Variants in MGLL observed in about 807,000 individuals in gnomAD.
MGLL encodes monoglyceride lipase, also known as lysophospholipase homolog.
In MGLL, 7 loss-of-function variants were observed where a neutral mutation model predicts 29.1. The ratio of observed to expected loss-of-function variants is 0.24; its 90% CI spans 0.14 to 0.45. The LOEUF (loss-of-function observed/expected upper bound fraction) is 0.45, where lower values mean the gene tolerates loss of function less well. Ranked by LOEUF, MGLL falls within the 20% of genes least tolerant of loss-of-function variation. MGLL has a pLI of 0.99. For missense variants in MGLL, 356 were observed against 413.6 expected, an observed-to-expected ratio of 0.86 and a Z score of 1.21; for synonymous variants, 148 against 168.3, an observed-to-expected ratio of 0.88 and a Z score of 0.93.
intron 2 of MGLL, among the ~76,000 whole-genome samples, chr3:127,817,304 G>A (rs1387725800): frequency 2.6e-5 from 4 of 152,258 alleles, no homozygotes; most frequent in Admixed American, 6.5e-5. Flanking sequence ...CCAGTCGTGT[G>A]TCTTGGGACA....
Position 127,774,231 on chromosome 3 carries a change from T to C in MGLL, c.262+7558A>G, listed in dbSNP as rs2076995704. ...TGCCCCCGGGCCTTTGCACTGACTG[T>C]TCCCAGCTCTAGACTCCCTCTGCCA... On this transcript the variant is annotated intron_variant, in intron 3 of 7. Transcript: ENST00000265052. Among the ~76,000 whole-genome samples, 3 of 152,350 alleles carry C rather than the reference T, an allele frequency of 2.0e-5. No individual in the cohort carries two copies. In the South Asian group the frequency reaches 6.2e-4, roughly 32 times the overall value.
chr3:127,736,399 A>T, intron 3 of MGLL: 4 of 952,790 alleles, frequency 4.2e-6, no homozygotes, highest in Non-Finnish European at 5.0e-6. Context: ...AGCGAAAAAG[A>T]GTAATGAGTC....
intron 3 of MGLL, among the ~76,000 whole-genome samples, chr3:127,729,163 G>A (rs2076100513): frequency 6.6e-6 from 1 of 152,042 alleles, no homozygotes; most frequent in Non-Finnish European, 1.5e-5. Flanking sequence ...GAATAGTCAA[G>A]TTATCAATCT....
intron 3 of MGLL, among the ~76,000 whole-genome samples, chr3:127,733,475 T>C (rs2076187161): frequency 6.6e-6 from 1 of 152,152 alleles, no homozygotes; most frequent in Admixed American, 6.5e-5. Flanking sequence ...AGGAACCCTC[T>C]CTTGGGGTCT....
intron 7 of MGLL, among the ~76,000 whole-genome samples, chr3:127,694,618 G>C (rs557380689): frequency 6.6e-6 from 1 of 152,276 alleles, no homozygotes; most frequent in South Asian, 2.1e-4. Flanking sequence ...CACTGGTGCA[G>C]AGGGAGGCTT....
At chr3:127,722,644 C>G in intron 3 of MGLL, 78 bp from the exon 4 acceptor site, 2 of 1,586,540 alleles carry the variant, frequency 1.3e-6, no homozygotes, top group Admixed American at 1.7e-5. Flanking sequence ...CTCCTCACTG[C>G]AATCGCTCTC....
At chr3:127,701,526 C>A (rs976239343) in intron 6 of MGLL, among the ~76,000 whole-genome samples, 1 of 152,206 alleles carries the variant, frequency 6.6e-6, no homozygotes, top group South Asian at 2.1e-4. Flanking sequence ...CCCATGGGGG[C>A]TGCAGGGCAA....
At chr3:127,714,409 C>T (rs1413156318) in intron 5 of MGLL, among the ~76,000 whole-genome samples, 4 of 152,220 alleles carry the variant, frequency 2.6e-5, no homozygotes, top group Non-Finnish European at 4.4e-5. Context: ...CAGCCACCCT[C>T]GCTCCCCTAA....
At chr3:127,750,056 C>T (rs1435460836) in intron 3 of MGLL, among the ~76,000 whole-genome samples, 1 of 151,966 alleles carries the variant, frequency 6.6e-6, no homozygotes, top group East Asian at 1.9e-4. Flanking sequence ...TGACTTTTAC[C>T]CCGAGGGAGG....
chr3:127,801,174 C>T (rs897069444), intron 2 of MGLL, among the ~76,000 whole-genome samples: 2 of 151,262 alleles, frequency 1.3e-5, no homozygotes, highest in Non-Finnish European at 2.9e-5. Flanking sequence ...TGATGGCAAG[C>T]GCCTGTAATC....
chr3:127,730,641 C>T (rs1318472225), intron 3 of MGLL, among the ~76,000 whole-genome samples: 1 of 152,160 alleles, frequency 6.6e-6, no homozygotes, highest in Non-Finnish European at 1.5e-5. Flanking sequence ...ACTGCAAGTT[C>T]AAAGGCAACA....
intron 2 of MGLL, among the ~76,000 whole-genome samples, chr3:127,786,477 AGGGAGAAGGCAATGACTGT>A (rs1236734093): frequency 6.6e-6 from 1 of 152,230 alleles, no homozygotes; most frequent in African/African-American, 2.4e-5. Flanking sequence ...CCAGTCGTTC[AGGGAGAAGGCAATGACTGT>A]GGGAGGGGCG....
At chr3:127,758,429 A>T (rs1416883110) in intron 3 of MGLL, among the ~76,000 whole-genome samples, 2 of 152,240 alleles carry the variant, frequency 1.3e-5, no homozygotes, top group Non-Finnish European at 2.9e-5. Context: ...CATCAAGCTA[A>T]TACATTATAG....
intron 6 of MGLL, among the ~76,000 whole-genome samples, chr3:127,696,792 A>G (rs539144367): frequency 1.7e-3 from 263 of 151,970 alleles, no homozygotes; most frequent in African/African-American, 6.0e-3. Context: ...CGTGGTGAGG[A>G]CTGGGTGAGG....
At chr3:127,752,129 CTCT>C (rs1464243918) in intron 3 of MGLL, among the ~76,000 whole-genome samples, 1 of 151,364 alleles carries the variant, frequency 6.6e-6, no homozygotes, top group Non-Finnish European at 1.5e-5. Context: ...CGGAGTTTCA[CTCT>C]TCTTGCCTAG....
chr3:127,806,905 G>T (rs1197588291), intron 2 of MGLL, among the ~76,000 whole-genome samples: 3 of 152,136 alleles, frequency 2.0e-5, no homozygotes, highest in African/African-American at 7.2e-5. Context: ...GCTAGTATTT[G>T]TTAAGTATTT....
At chr3:127,733,797 A>T (rs530843557) in intron 3 of MGLL, among the ~76,000 whole-genome samples, 2 of 152,344 alleles carry the variant, frequency 1.3e-5, no homozygotes, top group Admixed American at 6.5e-5. Context: ...GACCCTATGC[A>T]GCCATCGCTC....
At chr3:127,812,026 A>G (rs1398739190) in intron 2 of MGLL, among the ~76,000 whole-genome samples, 1 of 152,240 alleles carries the variant, frequency 6.6e-6, no homozygotes, top group Admixed American at 6.5e-5. Flanking sequence ...GATCTAGCAC[A>G]TGGCCCTTGT....
chr3:127,796,892 G>T (rs1249047421), intron 2 of MGLL, among the ~76,000 whole-genome samples: 1 of 152,180 alleles, frequency 6.6e-6, no homozygotes, highest in Non-Finnish European at 1.5e-5. Context: ...CGGAGAGCCT[G>T]GTGCATTTAC....
Sources: gnomAD v4.1 joint callset for allele counts (sites outside exome capture counted in the v4.1 genomes callset) on GRCh38, gnomAD v4.1.1 for gene constraint, MANE v1.5 for transcripts, NCBI Gene and HGNC (gene_info 2026-07-23, HGNC 2026-07-21) for gene names.